The following TMEM71 variants were observed in gnomAD, a reference collection of about 807,000 sequenced individuals.
TMEM71 encodes transmembrane protein 71.
TMEM71 carries 44 observed loss-of-function variants against 38.0 expected under a neutral mutation model. The ratio of observed to expected loss-of-function variants is 1.16; its 90% CI spans 0.91 to 1.49. TMEM71 has a LOEUF of 1.49. Ranked by LOEUF, TMEM71 falls within the 40% of genes most tolerant of loss-of-function variation. The probability of loss-of-function intolerance (pLI) is 0.00; values close to 1 mark genes in which losing one functional copy is unlikely to be tolerated. For synonymous variants in TMEM71, 133 were observed against 122.5 expected (o/e 1.09, Z -0.56); for missense variants, 367 against 348.6 (o/e 1.05, Z -0.42).
At chr8:132,771,218 G>A in the TMEM71 span, among the ~76,000 whole-genome samples, 12 of 152,064 alleles carry the variant, frequency 7.9e-5, no homozygotes, top group African/African-American at 2.4e-4. Flanking sequence ...AGATATCTCC[G>A]TTTGTCTGGA....
chr8:132,765,416 C>G (rs561107218), upstream of TMEM71, among the ~76,000 whole-genome samples: 1 of 152,258 alleles, frequency 6.6e-6, no homozygotes, highest in East Asian at 1.9e-4. Flanking sequence ...GAGGGTGTGG[C>G]TCTGCAGAAA....
chr8:132,751,654 C>T (rs1828714859), intron 4 of TMEM71, 131 bp downstream of exon 4: 3 of 836,302 alleles, frequency 3.6e-6, no homozygotes, highest in African/African-American at 1.7e-5. Context: ...TCCCCTCTTA[C>T]CCTTTGTATT....
intron 7 of TMEM71, among the ~76,000 whole-genome samples, chr8:132,717,228 A>AG (rs1008849237): frequency 6.6e-6 from 1 of 152,256 alleles, no homozygotes; most frequent in African/African-American, 2.4e-5. Flanking sequence ...AAAGAAAAAA[A>AG]GTAGAGAAGT....
chr8:132,767,478 G>GTTTTTT, the TMEM71 span, among the ~76,000 whole-genome samples: 1 of 137,508 alleles, frequency 7.3e-6, no homozygotes. Flanking sequence ...TACCTCTTTG[G>GTTTTTT]TTTTTTTTTT....
intron 5 of TMEM71, among the ~76,000 whole-genome samples, chr8:132,740,818 C>G (rs1827993548): frequency 6.6e-6 from 1 of 152,186 alleles, no homozygotes. Flanking sequence ...TTGGTTGACA[C>G]TTGAGATTCT....
At chr8:132,748,379 A>G (rs535490439) in intron 4 of TMEM71, among the ~76,000 whole-genome samples, 6 of 152,354 alleles carry the variant, frequency 3.9e-5, no homozygotes, top group Non-Finnish European at 8.8e-5. Context: ...TGCTCCTGGC[A>G]GATGGTGAGA....
intron 4 of TMEM71, among the ~76,000 whole-genome samples, chr8:132,748,569 G>A (rs767691105): frequency 6.6e-6 from 1 of 152,180 alleles, no homozygotes; most frequent in Non-Finnish European, 1.5e-5. Flanking sequence ...CATGACAATG[G>A]AACACATTCT....
upstream of TMEM71, among the ~76,000 whole-genome samples, chr8:132,761,238 C>T (rs77663667): frequency 0.023 from 3,534 of 151,762 alleles, 148 homozygotes; most frequent in African/African-American, 0.082. Flanking sequence ...GGAAAGAGTG[C>T]GGATTCTGGG....
chr8:132,741,434 C>T (rs1257166381), intron 5 of TMEM71, among the ~76,000 whole-genome samples: 1 of 152,120 alleles, frequency 6.6e-6, no homozygotes, highest in African/African-American at 2.4e-5. Context: ...CCACTACCAC[C>T]AATGCGCAGA....
At position 132,720,391 on chromosome 8, in the gene TMEM71, G is replaced by A. The variant is rs77549281; in HGVS notation, c.752+1649C>T. Among the ~76,000 whole-genome samples the A allele has an allele frequency of 2.1e-3, 322 of 152,284 alleles. 1 individual carries two copies. The highest frequency in any genetic ancestry group is 7.5e-3 in the African/African-American group (310 of 41,540). ...GAAAGGGCTCTGCGATCAACTTGGA[G>A]GTGCGGAAAACACGAAGTGAAATAA... On this transcript the variant is annotated intron_variant, in intron 7 of 9. Coordinates refer to ENST00000677595, the MANE Select transcript of TMEM71 (RefSeq NM_001382403.1).
intron 5 of TMEM71, among the ~76,000 whole-genome samples, chr8:132,733,704 T>C (rs560732675): frequency 6.6e-6 from 1 of 152,296 alleles, no homozygotes; most frequent in South Asian, 2.1e-4. Context: ...CCCTGGACCA[T>C]GCCCATCCCA....
At chr8:132,731,800 A>G (rs1827470879) in intron 5 of TMEM71, among the ~76,000 whole-genome samples, 1 of 152,204 alleles carries the variant, frequency 6.6e-6, no homozygotes, top group Non-Finnish European at 1.5e-5. Flanking sequence ...CAAGCAGGGG[A>G]ATCTGAACAG....
Position 132,710,799 on chromosome 8 carries a change from G to T in TMEM71, c.*168C>A. The T allele has an allele frequency of 1.5e-6, 1 of 667,028 alleles. No homozygotes were observed. The highest frequency in any genetic ancestry group is 1.8e-5 in the South Asian group (1 of 56,980). 41.3% of individuals were successfully genotyped at this position (667,028 alleles called of 1,614,324 possible). On this transcript the variant is annotated 3_prime_UTR_variant, in exon 10 of 10. Transcript: ENST00000677595. ...TCATGAGCATATTATAATTTTGATG[G>T]AAAAACTGAGATCATTTTAAAATCA...
chr8:132,732,532 C>T (rs1827515397), intron 5 of TMEM71, among the ~76,000 whole-genome samples: 2 of 152,018 alleles, frequency 1.3e-5, no homozygotes, highest in Non-Finnish European at 2.9e-5. Flanking sequence ...ATGTCACACT[C>T]CAAGCTAATA....
At chr8:132,705,900 T>A (rs180816681), downstream of TMEM71, among the ~76,000 whole-genome samples, 1 of 152,298 alleles carries the variant, frequency 6.6e-6, no homozygotes, top group Non-Finnish European at 1.5e-5. Flanking sequence ...TACTGAATGT[T>A]TTTGTCCCTA....
intron 7 of TMEM71, among the ~76,000 whole-genome samples, chr8:132,721,776 T>C (rs1216166751): frequency 6.6e-6 from 1 of 152,094 alleles, no homozygotes; most frequent in African/African-American, 2.4e-5. Flanking sequence ...CCTCAGGTGA[T>C]CCTTCCACCT....
intron 4 of TMEM71, among the ~76,000 whole-genome samples, chr8:132,748,278 T>C (rs1164246325): frequency 6.6e-6 from 1 of 152,252 alleles, no homozygotes; most frequent in Non-Finnish European, 1.5e-5. Context: ...GTGTTCTTTA[T>C]CCTGATGGTT....
At chr8:132,759,011 G>A (rs1405255810) in intron 1 of TMEM71, 96 bp from the exon 2 acceptor site, 1 of 733,748 alleles carries the variant, frequency 1.4e-6, no homozygotes, top group African/African-American at 1.8e-5. Context: ...AGTCAGATTT[G>A]TTTACTGAAA....
intron 1 of TMEM71, among the ~76,000 whole-genome samples, chr8:132,760,124 A>T (rs1829248803): frequency 6.6e-6 from 1 of 152,042 alleles, no homozygotes; most frequent in Admixed American, 6.5e-5. Context: ...GCTCTATCTC[A>T]CAAGTGCTTA....
Sources: gnomAD v4.1 joint callset for allele counts (sites outside exome capture counted in the v4.1 genomes callset) on GRCh38, gnomAD v4.1.1 for gene constraint, MANE v1.5 for transcripts, NCBI Gene and HGNC (gene_info 2026-07-23, HGNC 2026-07-21) for gene names.